LDLRAD3: variants seen among roughly 807,000 people sequenced by gnomAD.
The protein encoded by LDLRAD3 is low density lipoprotein receptor class A domain containing 3.
In LDLRAD3, 20 loss-of-function variants were observed where a neutral mutation model predicts 29.4. The ratio of observed to expected loss-of-function variants is 0.68; its 90% CI spans 0.48 to 0.99. LDLRAD3 has a LOEUF of 0.99. Ranked by LOEUF, LDLRAD3 falls within the 50% of genes least tolerant of loss-of-function variation. LDLRAD3 has a pLI of 0.00. For synonymous variants in LDLRAD3, 157 were observed against 192.7 expected (o/e 0.81, Z 1.53); for missense variants, 420 against 454.3 (o/e 0.92, Z 0.69).
intron 4 of LDLRAD3, among the ~76,000 whole-genome samples, chr11:36,165,555 C>A (rs1854501392): frequency 6.6e-6 from 1 of 152,066 alleles, no homozygotes; most frequent in African/African-American, 2.4e-5. Flanking sequence ...TTTAAAAAAT[C>A]ATTCTTGCAC....
chr11:36,147,377 C>T (rs1034164939), intron 4 of LDLRAD3, among the ~76,000 whole-genome samples: 1 of 152,104 alleles, frequency 6.6e-6, no homozygotes, highest in African/African-American at 2.4e-5. Flanking sequence ...CTCGGCCTCC[C>T]AAAGTGCTGG....
rs534691129 is a variant in LDLRAD3 at position 36,228,394 on chromosome 11, G to GTT, written c.801-765_801-764insTT. On this transcript the variant is annotated intron_variant, in intron 5 of 5. Coordinates refer to ENST00000315571, the MANE Select transcript of LDLRAD3 (RefSeq NM_174902.4). ...CTTCATTTGGACCACCCAGCATAGG[G>GTT]TAAGGTTAAAATTGCTGAATCTGGA... Among the ~76,000 whole-genome samples the GTT allele has an allele frequency of 3.2e-4, 49 of 152,280 alleles. No homozygotes were observed. In the South Asian group the frequency reaches 9.9e-3, roughly 31 times the overall value.
chr11:36,028,569 G>GA (rs1412150770), intron 1 of LDLRAD3, among the ~76,000 whole-genome samples: 1 of 152,000 alleles, frequency 6.6e-6, no homozygotes, highest in African/African-American at 2.4e-5. Flanking sequence ...AAATGGTTGG[G>GA]AAAAAAATCA....
chr11:36,154,279 C>T (rs1316547090), intron 4 of LDLRAD3, among the ~76,000 whole-genome samples: 1 of 152,198 alleles, frequency 6.6e-6, no homozygotes. Context: ...GCCCATGATA[C>T]TACCACCACT....
chr11:36,049,445 C>G (rs767640316), intron 2 of LDLRAD3, among the ~76,000 whole-genome samples: 1 of 152,170 alleles, frequency 6.6e-6, no homozygotes, highest in Non-Finnish European at 1.5e-5. Flanking sequence ...GAGACTCTCT[C>G]ACTAGTAACA....
chr11:36,036,075 C>A, intron 1 of LDLRAD3, 28 bp from the exon 2 acceptor site: 1 of 1,608,404 alleles, frequency 6.2e-7, no homozygotes. Flanking sequence ...GTTGCTGTGC[C>A]GTCTGACCTG....
intron 2 of LDLRAD3, among the ~76,000 whole-genome samples, chr11:36,059,158 G>A (rs1203709941): frequency 6.6e-6 from 1 of 152,110 alleles, no homozygotes; most frequent in Non-Finnish European, 1.5e-5. Context: ...TTGAGCCGAG[G>A]AATTCAAGAC....
At chr11:36,098,542 A>G (rs758403969) in intron 4 of LDLRAD3, 81 bp downstream of exon 4, 3 of 1,505,770 alleles carry the variant, frequency 2.0e-6, no homozygotes, top group Admixed American at 1.7e-5. Context: ...AGAAAGCAAC[A>G]CCCATTCCCA....
chr11:36,073,938 A>T (rs1298528337), intron 2 of LDLRAD3, among the ~76,000 whole-genome samples: 1 of 152,202 alleles, frequency 6.6e-6, no homozygotes, highest in Non-Finnish European at 1.5e-5. Flanking sequence ...GACTTTGTTT[A>T]TTAGCAGTGT....
At chr11:36,179,456 AGAGT>A (rs1382932787) in intron 4 of LDLRAD3, among the ~76,000 whole-genome samples, 3 of 152,166 alleles carry the variant, frequency 2.0e-5, no homozygotes, top group African/African-American at 7.2e-5. Context: ...CCTGGGTAAC[AGAGT>A]GAGACTCTGT....
At chr11:36,064,542 G>A (rs1852760589) in intron 2 of LDLRAD3, among the ~76,000 whole-genome samples, 2 of 142,636 alleles carry the variant, frequency 1.4e-5, no homozygotes, top group South Asian at 4.4e-4. Context: ...CTGGTCTCCA[G>A]CTCCTGGGCT....
intron 4 of LDLRAD3, among the ~76,000 whole-genome samples, chr11:36,219,111 T>C (rs903405267): frequency 1.3e-5 from 2 of 152,260 alleles, no homozygotes; most frequent in African/African-American, 4.8e-5. Context: ...CATTCATTCA[T>C]TGACATATTG....
At chr11:35,992,317 T>C (rs1321287284) in intron 1 of LDLRAD3, among the ~76,000 whole-genome samples, 4 of 152,230 alleles carry the variant, frequency 2.6e-5, no homozygotes, top group African/African-American at 9.6e-5. Context: ...TCAGTAATCT[T>C]GTAGCCTATT....
At chr11:36,149,416 A>G (rs1266619924) in intron 4 of LDLRAD3, among the ~76,000 whole-genome samples, 1 of 152,226 alleles carries the variant, frequency 6.6e-6, no homozygotes, top group Non-Finnish European at 1.5e-5. Context: ...GAAAGAAAGT[A>G]TCAGTATGCA....
chr11:36,078,628 A>C (rs1853057366), intron 2 of LDLRAD3, among the ~76,000 whole-genome samples: 1 of 152,182 alleles, frequency 6.6e-6, no homozygotes, highest in African/African-American at 2.4e-5. Flanking sequence ...AGATGTCTGC[A>C]TCTGCAGCTG....
chr11:36,090,615 G>A (rs1338750054), intron 3 of LDLRAD3, among the ~76,000 whole-genome samples: 2 of 152,186 alleles, frequency 1.3e-5, no homozygotes, highest in East Asian at 1.9e-4. Flanking sequence ...ACTACCATTA[G>A]CAATGACTGA....
chr11:35,988,260 A>G (rs1451513270), intron 1 of LDLRAD3, among the ~76,000 whole-genome samples: 2 of 151,860 alleles, frequency 1.3e-5, no homozygotes, highest in Admixed American at 6.6e-5. Flanking sequence ...GGGTCTCACT[A>G]TGTTGCCCAG....
chr11:36,083,735 TACAC>T (rs59333454), intron 3 of LDLRAD3, among the ~76,000 whole-genome samples: 5,097 of 126,770 alleles, frequency 0.04, 144 homozygotes, highest in African/African-American at 0.089. Context: ...AGGGAGAAAT[TACAC>T]ACACACACAC....
chr11:36,144,199 G>C (rs555480615), intron 4 of LDLRAD3, among the ~76,000 whole-genome samples: 1 of 151,926 alleles, frequency 6.6e-6, no homozygotes, highest in Non-Finnish European at 1.5e-5. Flanking sequence ...CCGAGGTGCC[G>C]GGATGGCAGA....
Sources: gnomAD v4.1 joint callset for allele counts (sites outside exome capture counted in the v4.1 genomes callset) on GRCh38, gnomAD v4.1.1 for gene constraint, MANE v1.5 for transcripts, NCBI Gene and HGNC (gene_info 2026-07-23, HGNC 2026-07-21) for gene names.